WNK1: variants seen among roughly 807,000 people sequenced by gnomAD.
The protein encoded by WNK1 is serine/threonine-protein kinase WNK1.
A neutral mutation model predicts 222.8 loss-of-function variants in WNK1; 38 were observed. The observed-to-expected ratio is 0.17, with a 90% CI of 0.13 to 0.22. The LOEUF (loss-of-function observed/expected upper bound fraction) is 0.22, where lower values mean the gene tolerates loss of function less well. WNK1 is among the 10% of genes least tolerant of loss of function. The pLI is 1.00. For missense variants in WNK1, 2,348 were observed against 2,918.4 expected, an observed-to-expected ratio of 0.80 and a Z score of 4.50; for synonymous variants, 1,090 against 1,092.9, an observed-to-expected ratio of 1.00 and a Z score of 0.05.
intron 9 of WNK1, among the ~76,000 whole-genome samples, chr12:876,885 G>A (rs1487404999): frequency 2.6e-5 from 4 of 151,986 alleles, no homozygotes; most frequent in Non-Finnish European, 5.9e-5. Context: ...TGAAGGTTAT[G>A]CACCAAACGA....
intron 2 of WNK1, among the ~76,000 whole-genome samples, chr12:819,986 A>G (rs1042084899): frequency 3.9e-4 from 59 of 152,178 alleles, no homozygotes; most frequent in African/African-American, 1.3e-3. Flanking sequence ...AATTTTGAAA[A>G]TTAGAAGTGA....
chr12:828,435 A>G (rs1948539844), intron 3 of WNK1, among the ~76,000 whole-genome samples: 1 of 152,168 alleles, frequency 6.6e-6, no homozygotes, highest in South Asian at 2.1e-4. Flanking sequence ...ATCTATCTAA[A>G]AGAGTGTTTC....
At chr12:842,844 G>A (rs1949731692) in intron 4 of WNK1, among the ~76,000 whole-genome samples, 1 of 152,182 alleles carries the variant, frequency 6.6e-6, no homozygotes, top group Admixed American at 6.5e-5. Context: ...TATTGCAGAG[G>A]CCTTGGTGGT....
intron 1 of WNK1, among the ~76,000 whole-genome samples, chr12:774,309 A>G (rs1281484575): frequency 6.6e-6 from 1 of 151,992 alleles, no homozygotes; most frequent in Non-Finnish European, 1.5e-5. Context: ...GAATCCTCTA[A>G]TCCCTTCCTT....
At chr12:851,268 G>C (rs984907951) in intron 4 of WNK1, 1 of 663,250 alleles carries the variant, frequency 1.5e-6, no homozygotes, top group Non-Finnish European at 1.9e-6. Context: ...CTTTCAAAAT[G>C]ATTGGAGGAA....
chr12:787,030 G>T (rs1176480745), intron 1 of WNK1, among the ~76,000 whole-genome samples: 1 of 151,624 alleles, frequency 6.6e-6, no homozygotes, highest in East Asian at 1.9e-4. Context: ...TATTTTCTTT[G>T]CATTTTACAC....
chr12:758,394 T>TTTTTG, intron 1 of WNK1, among the ~76,000 whole-genome samples: 1 of 122,838 alleles, frequency 8.1e-6, no homozygotes, highest in Non-Finnish European at 1.8e-5. Flanking sequence ...TTTTTTTTTT[T>TTTTTG]TTTTGAGACG....
At chr12:894,824 G>C (rs767897531) in intron 23 of WNK1, among the ~76,000 whole-genome samples, 189 bp downstream of exon 23, 4 of 152,104 alleles carry the variant, frequency 2.6e-5, no homozygotes, top group Non-Finnish European at 5.9e-5. Flanking sequence ...GAAATACTTA[G>C]AACAGTAGAG....
In WNK1 at chr12:861,124, G is replaced by C; in HGVS notation, c.1732G>C (p.Glu578Gln). 1.9e-6 allele frequency: 3 copies of C among 1,613,144 alleles called. No homozygotes were observed. Among genetic ancestry groups the C allele is most frequent in the Non-Finnish European group, 2.5e-6 (3 of 1,179,758 alleles). Residue 578 changes from glutamate to glutamine, a missense_variant, in exon 7 of 28, where the codon GAG becomes CAG. By Grantham distance (29) the Glu-to-Gln change is conservative. This residue lies in a region of WNK1 where 103 missense variants were observed against 111.5 expected (regional missense o/e 0.92). Coordinates refer to ENST00000315939, the MANE Select transcript of WNK1 (RefSeq NM_018979.4). ...AGAGCAGCGGCAGTTGGTACGGGAG[G>C]AGCAAGAAAAAAAAAAGCAGGAAGA... ...KREQRQLVRE[E>Q]QEKKKQEESS...
At chr12:787,641 C>A (rs1944437891) in intron 1 of WNK1, among the ~76,000 whole-genome samples, 1 of 152,064 alleles carries the variant, frequency 6.6e-6, no homozygotes, top group African/African-American at 2.4e-5. Flanking sequence ...AAATCTTTAT[C>A]TTTTGTGTAA....
chr12:772,637 T>C (rs1942668642), intron 1 of WNK1, among the ~76,000 whole-genome samples: 2 of 152,040 alleles, frequency 1.3e-5, no homozygotes, highest in Admixed American at 1.3e-4. Flanking sequence ...AATTCTTGAG[T>C]ATATATTATT....
At chr12:833,848 C>T (rs1429507881) in intron 4 of WNK1, among the ~76,000 whole-genome samples, 1 of 152,136 alleles carries the variant, frequency 6.6e-6, no homozygotes, top group Non-Finnish European at 1.5e-5. Flanking sequence ...TTTTCTGAAT[C>T]CCTGCTATGT....
intron 4 of WNK1, chr12:851,853 C>A: frequency 8.5e-7 from 1 of 1,171,328 alleles, no homozygotes; most frequent in Non-Finnish European, 1.1e-6. Flanking sequence ...TAGAAAGTTT[C>A]CAATATTGAA....
chr12:863,642 ATAT>A (rs1951388191), intron 8 of WNK1, among the ~76,000 whole-genome samples: 1 of 152,044 alleles, frequency 6.6e-6, no homozygotes, highest in African/African-American at 2.4e-5. Flanking sequence ...TGACATGAAG[ATAT>A]TATTTGAGCC....
In WNK1 at chr12:896,280, A is replaced by G. The variant is rs745394489; in HGVS notation, c.5793A>G (p.Ser1931=). The G allele has an allele frequency of 2.4e-5, 38 of 1,614,106 alleles. No homozygotes were observed. Among genetic ancestry groups the G allele is most frequent in the Non-Finnish European group, 4.2e-6 (5 of 1,180,042 alleles). ...VPESAHKTTA[S]EAKSDTGQPT... is the part of the protein sequence containing the mutation. ...AGAGTGCCCACAAAACTACTGCCTC[A>G]GAGGCAAAGTCAGACACTGGGCAGC... The change falls in exon 24 of 28, where the codon TCA becomes TCG. Residue 1931 remains serine, a synonymous_variant. Coordinates refer to ENST00000315939, the MANE Select transcript of WNK1 (RefSeq NM_018979.4).
At chr12:854,025 A>G (rs945496455) in intron 4 of WNK1, among the ~76,000 whole-genome samples, 1 of 152,102 alleles carries the variant, frequency 6.6e-6, no homozygotes, top group African/African-American at 2.4e-5. Context: ...TGCTGGGACT[A>G]CAGCTTTGAG....
In WNK1 at chr12:890,506, G is replaced by A. The variant is rs751308963; in HGVS notation, c.5502G>A (p.Gln1834=). Residue 1834 remains glutamine, a synonymous_variant, in exon 22 of 28, where the codon CAG becomes CAA. Transcript: ENST00000315939. ...TCACAGAAGCAGGAACACAGCCTCAGAAGGGTGGTGAGAAACATCCTTCCT... is the reference window on the plus strand; with the variant it reads ...TCACAGAAGCAGGAACACAGCCTCAAAAGGGTGGTGAGAAACATCCTTCCT... ...TAITEAGTQP[Q]KGVSQVKEGP... is the part of the protein sequence containing the mutation. 2.5e-6 allele frequency: 4 copies of A among 1,614,148 alleles called. No homozygotes were observed. In the South Asian group the frequency reaches 4.4e-5, roughly 18 times the overall value.
chr12:864,977 A>AG, intron 8 of WNK1: 1 of 1,259,414 alleles, frequency 7.9e-7, no homozygotes, highest in Non-Finnish European at 1.1e-6. Context: ...TCCTCAAAAA[A>AG]AAAACTGACT....
intron 1 of WNK1, among the ~76,000 whole-genome samples, chr12:812,972 T>C (rs1022947146): frequency 2.6e-5 from 4 of 152,186 alleles, no homozygotes; most frequent in Non-Finnish European, 5.9e-5. Flanking sequence ...CTTCATGCAG[T>C]GGCTCACACC....
Sources: gnomAD v4.1 joint callset for allele counts (sites outside exome capture counted in the v4.1 genomes callset) on GRCh38, gnomAD v4.1.1 for gene constraint, gnomAD v4.1.1 regional missense constraint, MANE v1.5 for transcripts, NCBI Gene and HGNC (gene_info 2026-07-23, HGNC 2026-07-21) for gene names.